The following PAG1 variants were observed in gnomAD, a reference collection of about 807,000 sequenced individuals.
PAG1 encodes the protein phosphoprotein membrane anchor with glycosphingolipid microdomains 1.
PAG1 carries 23 observed loss-of-function variants against 31.7 expected under a neutral mutation model. That is an observed-to-expected ratio of 0.73 (90% CI 0.52 to 1.03). The LOEUF is 1.03. PAG1 is among the 50% of genes least tolerant of loss of function. The pLI is 0.00. For synonymous variants in PAG1, 214 were observed against 210.3 expected (o/e 1.02, Z -0.15); for missense variants, 473 against 540.7 (o/e 0.87, Z 1.24).
chr8:80,991,699 C>T (rs973869756), intron 4 of PAG1, among the ~76,000 whole-genome samples, 169 bp from the exon 5 acceptor site: 1 of 152,084 alleles, frequency 6.6e-6, no homozygotes, highest in Non-Finnish European at 1.5e-5. Flanking sequence ...GGCCCGTTTG[C>T]AGGTGCTGGG....
chr8:81,085,211 C>T (rs1324940970), intron 1 of PAG1, among the ~76,000 whole-genome samples: 2 of 152,162 alleles, frequency 1.3e-5, no homozygotes, highest in African/African-American at 4.8e-5. Flanking sequence ...CACATTATTG[C>T]TTCATATAGC....
rs186730570 is a variant in PAG1, at chr8:81,069,566, C to T, written c.-175+546G>A. Among the ~76,000 whole-genome samples the T allele has an allele frequency of 4.9e-3, 742 of 152,256 alleles. 12 individuals are homozygous for T. The highest frequency in any genetic ancestry group is 7.5e-3 in the Admixed American group (115 of 15,286). ...ATGATTTTTCCACATTTGGTCTGTT[C>T]GCAGAAGATGACCCAAGGTTATTAA... On this transcript the variant is annotated intron_variant, in intron 2 of 8. Transcript: ENST00000220597.
chr8:81,087,818 AC>A (rs1809384953), intron 1 of PAG1, among the ~76,000 whole-genome samples: 1 of 152,228 alleles, frequency 6.6e-6, no homozygotes, highest in Non-Finnish European at 1.5e-5. Flanking sequence ...CTGGTCAGGC[AC>A]CCTGCGCTGG....
At chr8:80,994,172 GAGA>G (rs1371041164) in intron 3 of PAG1, among the ~76,000 whole-genome samples, 2 of 150,968 alleles carry the variant, frequency 1.3e-5, no homozygotes, top group African/African-American at 4.9e-5. Context: ...ACTGTTGTCT[GAGA>G]AGGTTTAAGG....
Position 81,002,211 on chromosome 8 carries a change from C to T in PAG1, c.-80-8904G>A, listed in dbSNP as rs1456119676. 3.3e-5 allele frequency among the ~76,000 whole-genome samples: 5 copies of T among 151,502 alleles called. No individual in the cohort carries two copies. In the East Asian group the frequency reaches 9.6e-4, roughly 29 times the overall value. The stretch of plus-strand genomic sequence containing the variant: ...GCTTCTGAGGGCAGTAATTCAGCCA[C>T]CTTTTTTTTTTTCATAATAAAAGAC... On this transcript the variant is annotated intron_variant, in intron 3 of 8. Coordinates refer to ENST00000220597, the MANE Select transcript of PAG1 (RefSeq NM_018440.4).
chr8:81,027,925 A>AAAG (rs1808312379), intron 3 of PAG1, among the ~76,000 whole-genome samples: 1 of 151,602 alleles, frequency 6.6e-6, no homozygotes, highest in African/African-American at 2.4e-5. Flanking sequence ...AAAAAAAAAA[A>AAAG]AAGAATATAG....
At chr8:80,992,874 A>C (rs1272210929) in intron 4 of PAG1, among the ~76,000 whole-genome samples, 1 of 152,224 alleles carries the variant, frequency 6.6e-6, no homozygotes, top group Non-Finnish European at 1.5e-5. Flanking sequence ...TTAAAATATA[A>C]GGGCTCTTCT....
At chr8:80,993,070 T>A in intron 4 of PAG1, 33 bp downstream of exon 4, 1 of 1,574,890 alleles carries the variant, frequency 6.3e-7, no homozygotes, top group Non-Finnish European at 8.7e-7. Flanking sequence ...ATGTATTAGT[T>A]TAAGGCACAG....
intron 7 of PAG1, among the ~76,000 whole-genome samples, chr8:80,981,909 A>G (rs1807314080): frequency 8.0e-6 from 1 of 125,576 alleles, no homozygotes; most frequent in African/African-American, 3.3e-5. Flanking sequence ...TCTGCCATTC[A>G]GGCTGGGATG....
At chr8:80,993,351 G>A in intron 3 of PAG1, 44 bp from the exon 4 acceptor site, 1 of 1,018,226 alleles carries the variant, frequency 9.8e-7, no homozygotes, top group South Asian at 1.8e-5. Context: ...CTCGGGTAAA[G>A]TGGCAGAATC....
intron 3 of PAG1, among the ~76,000 whole-genome samples, chr8:81,009,051 T>TA (rs1807935462): frequency 6.6e-6 from 1 of 152,154 alleles, no homozygotes; most frequent in Admixed American, 6.5e-5. Flanking sequence ...GTATAAAAGA[T>TA]AAACTACACA....
At position 81,032,513 on chromosome 8, in the gene PAG1, T is replaced by C. The variant is rs75625924; in HGVS notation, c.-174-2424A>G. Among the ~76,000 whole-genome samples, 788 of 152,304 alleles carry C rather than the reference T, an allele frequency of 5.2e-3. 7 individuals are homozygous for C. The highest frequency in any genetic ancestry group is 0.018 in the African/African-American group (758 of 41,560). ...AAAGTGCAAATCAACCACAATGAGATACCACTTCATACCTTCCTAGTGATT... is the reference window on the plus strand; with the variant it reads ...AAAGTGCAAATCAACCACAATGAGACACCACTTCATACCTTCCTAGTGATT... On this transcript the variant is annotated intron_variant, in intron 2 of 8. Transcript: ENST00000220597.
At chr8:81,040,876 A>G (rs1808542684) in intron 2 of PAG1, 1 of 152,236 alleles carries the variant, frequency 6.6e-6, no homozygotes, top group African/African-American at 2.4e-5. Flanking sequence ...GTAGAAGAGG[A>G]AAGAGAAGAA....
At chr8:81,042,291 T>A (rs1808566866) in intron 2 of PAG1, among the ~76,000 whole-genome samples, 1 of 152,150 alleles carries the variant, frequency 6.6e-6, no homozygotes, top group African/African-American at 2.4e-5. Flanking sequence ...CATGGAAGCA[T>A]TACCTCAAAG....
At chr8:80,996,997 A>ACAAT (rs1168207569) in intron 3 of PAG1, among the ~76,000 whole-genome samples, 1 of 148,518 alleles carries the variant, frequency 6.7e-6, no homozygotes, top group South Asian at 2.1e-4. Flanking sequence ...CTGTCCTGTG[A>ACAAT]CAATCATGGC....
chr8:80,989,888 G>T (rs561220531), intron 5 of PAG1, among the ~76,000 whole-genome samples: 1 of 152,264 alleles, frequency 6.6e-6, no homozygotes, highest in East Asian at 1.9e-4. Context: ...AAGAACCCCT[G>T]CTCTAGAAGG....
At chr8:81,073,924 A>G (rs1422388776) in intron 1 of PAG1, among the ~76,000 whole-genome samples, 1 of 152,190 alleles carries the variant, frequency 6.6e-6, no homozygotes, top group Non-Finnish European at 1.5e-5. Flanking sequence ...GAGGCAGGTC[A>G]GAGGGGGCTG....
chr8:81,009,983 G>A (rs937801014), intron 3 of PAG1, among the ~76,000 whole-genome samples: 8 of 152,164 alleles, frequency 5.3e-5, no homozygotes, highest in Admixed American at 1.3e-4. Flanking sequence ...CAGGAATGGG[G>A]CCTTGACATT....
At chr8:81,087,135 G>C (rs1449734770) in intron 1 of PAG1, among the ~76,000 whole-genome samples, 3 of 152,192 alleles carry the variant, frequency 2.0e-5, no homozygotes, top group Non-Finnish European at 4.4e-5. Flanking sequence ...CCGAGGTCAG[G>C]AGATGGAGAC....
Sources: allele counts gnomAD v4.1 joint callset (sites outside exome capture counted in the v4.1 genomes callset), GRCh38; gene constraint gnomAD v4.1.1; transcripts MANE v1.5; gene names NCBI Gene and HGNC (gene_info 2026-07-23, HGNC 2026-07-21).